Variants in TAFA1 observed in about 807,000 individuals in gnomAD.
TAFA1 encodes TAFA chemokine like family member 1.
TAFA1 carries 4 observed loss-of-function variants against 18.5 expected under a neutral mutation model. The observed-to-expected ratio is 0.22, with a 90% CI of 0.11 to 0.49. TAFA1 has a LOEUF of 0.49. Ranked by LOEUF, TAFA1 falls within the 20% of genes least tolerant of loss-of-function variation. TAFA1 has a pLI of 0.98. For missense variants in TAFA1, 147 were observed against 169.0 expected, an observed-to-expected ratio of 0.87 and a Z score of 0.72; for synonymous variants, 56 against 55.2, an observed-to-expected ratio of 1.01 and a Z score of -0.06.
At chr3:68,017,776 T>G (rs1213705570) in intron 2 of TAFA1, among the ~76,000 whole-genome samples, 1 of 152,234 alleles carries the variant, frequency 6.6e-6, no homozygotes, top group Non-Finnish European at 1.5e-5. Context: ...TCCAGAAAGT[T>G]TTGAGTCCTC....
At position 68,120,243 on chromosome 3, in the gene TAFA1, TTCTTTCTTTCTTTC is replaced by T. The variant is rs1489460361; in HGVS notation, c.118+113501_118+113514del. On this transcript the variant is annotated intron_variant, in intron 2 of 4. Transcript: ENST00000478136. ...TTTCTTTCTTTCTTTCTTTCTTTCT[TTCTTTCTTTCTTTC>T]TTTCTTTTTTGAGACAGAGTCTCAT... 4.1e-3 allele frequency among the ~76,000 whole-genome samples: 539 copies of T among 132,556 alleles called. 7 individuals carry two copies. The highest frequency in any genetic ancestry group is 0.015 in the African/African-American group (523 of 34,000). The allele number at this position is 132,556 out of a possible 152,430, so 87.0% of individuals were successfully genotyped here. A position where few individuals can be genotyped will look rare whatever the true frequency, so the allele number is the denominator to read the frequency against.
chr3:68,249,629 G>T (rs1031250832), intron 2 of TAFA1, among the ~76,000 whole-genome samples: 2 of 152,110 alleles, frequency 1.3e-5, no homozygotes, highest in Non-Finnish European at 2.9e-5. Context: ...ACCAAATCTG[G>T]ATTTGAAAGG....
chr3:68,392,175 G>GAAA (rs2070270435), intron 2 of TAFA1, among the ~76,000 whole-genome samples: 1 of 22,362 alleles, frequency 4.5e-5, no homozygotes. Flanking sequence ...ATTTAGGAAA[G>GAAA]CAAAAAAAAA....
intron 2 of TAFA1, among the ~76,000 whole-genome samples, chr3:68,399,879 A>G (rs938640125): frequency 6.6e-6 from 1 of 152,186 alleles, no homozygotes; most frequent in Admixed American, 6.6e-5. Flanking sequence ...TCTAGTGCTC[A>G]AAGGTGTCAC....
intron 2 of TAFA1, among the ~76,000 whole-genome samples, chr3:68,089,260 A>G (rs1051295666): frequency 5.3e-5 from 8 of 152,306 alleles, no homozygotes; most frequent in Non-Finnish European, 5.9e-5. Context: ...GCCTGAATTT[A>G]CTTATTTGTA....
At chr3:68,053,130 G>T (rs2064492679) in intron 2 of TAFA1, among the ~76,000 whole-genome samples, 1 of 152,038 alleles carries the variant, frequency 6.6e-6, no homozygotes, top group Non-Finnish European at 1.5e-5. Flanking sequence ...AGTCATTTCT[G>T]GTCCATTTCA....
intron 2 of TAFA1, among the ~76,000 whole-genome samples, chr3:68,027,897 T>C (rs576089212): frequency 2.8e-4 from 42 of 152,338 alleles, no homozygotes; most frequent in Middle Eastern, 6.8e-3. Context: ...AATGATGATA[T>C]CATACTAACG....
chr3:68,512,469 A>G (rs1330234688), intron 3 of TAFA1, among the ~76,000 whole-genome samples: 2 of 152,158 alleles, frequency 1.3e-5, no homozygotes, highest in East Asian at 1.9e-4. Context: ...ACCATCTTGC[A>G]TATGTACTGA....
At chr3:68,477,378 A>C (rs1317210827) in intron 3 of TAFA1, among the ~76,000 whole-genome samples, 2 of 152,074 alleles carry the variant, frequency 1.3e-5, no homozygotes, top group Non-Finnish European at 1.5e-5. Context: ...GCTTTTAAAA[A>C]AAAATTCTTT....
At chr3:68,294,653 G>C (rs1405098835) in intron 2 of TAFA1, among the ~76,000 whole-genome samples, 1 of 152,158 alleles carries the variant, frequency 6.6e-6, no homozygotes, top group Non-Finnish European at 1.5e-5. Context: ...GGGAGGCTGA[G>C]ATGGGCAAAT....
At chr3:68,306,476 C>A (rs1429276580) in intron 2 of TAFA1, among the ~76,000 whole-genome samples, 1 of 151,860 alleles carries the variant, frequency 6.6e-6, no homozygotes, top group Non-Finnish European at 1.5e-5. Flanking sequence ...CAGAAATATT[C>A]TTTTTAAACT....
At chr3:68,176,201 G>A (rs144274111) in intron 2 of TAFA1, among the ~76,000 whole-genome samples, 2 of 152,286 alleles carry the variant, frequency 1.3e-5, no homozygotes, top group African/African-American at 4.8e-5. Flanking sequence ...CAGTTTACAG[G>A]CAGGATGCCA....
intron 2 of TAFA1, among the ~76,000 whole-genome samples, chr3:68,144,035 C>A (rs1188117769): frequency 6.7e-6 from 1 of 150,314 alleles, no homozygotes; most frequent in East Asian, 2.0e-4. Flanking sequence ...GAAAACTTGG[C>A]AGAAACATTC....
At chr3:67,992,055 G>A in the TAFA1 span, among the ~76,000 whole-genome samples, 1 of 152,148 alleles carries the variant, frequency 6.6e-6, no homozygotes, top group Non-Finnish European at 1.5e-5. Context: ...GATTTGTTTT[G>A]ACTAATGAAA....
intron 3 of TAFA1, among the ~76,000 whole-genome samples, chr3:68,495,392 G>T (rs1285667522): frequency 1.3e-5 from 2 of 152,070 alleles, no homozygotes; most frequent in African/African-American, 4.8e-5. Flanking sequence ...AAAACAATTG[G>T]AAGTATTATA....
intron 2 of TAFA1, among the ~76,000 whole-genome samples, chr3:68,026,132 C>T (rs1470320681): frequency 6.6e-6 from 1 of 152,066 alleles, no homozygotes; most frequent in East Asian, 1.9e-4. Context: ...CATAATTCCT[C>T]CACAGCCTTC....
chr3:68,408,927 G>A (rs1408329773), intron 2 of TAFA1, among the ~76,000 whole-genome samples: 3 of 152,196 alleles, frequency 2.0e-5, no homozygotes, highest in African/African-American at 7.2e-5. Flanking sequence ...TTCAAGCTTA[G>A]TACTGGAATA....
At position 68,339,620 on chromosome 3, in the gene TAFA1, C is replaced by T. The variant is rs147667918; in HGVS notation, c.119-77660C>T. Among the ~76,000 whole-genome samples, 18 of 152,310 alleles carry T rather than the reference C, an allele frequency of 1.2e-4. No homozygotes were observed. The East Asian group carries it at 2.9e-3, about 24-fold the overall frequency. On this transcript the variant is annotated intron_variant, in intron 2 of 4. Transcript: ENST00000478136. ...AATCCTTTTGTTCTAGATAGAACTA[C>T]ATTTTTGCAGTGTGTACAACTCTAC... is the stretch of plus-strand genomic sequence containing the variant.
chr3:68,188,254 T>C (rs1214029958), intron 2 of TAFA1, among the ~76,000 whole-genome samples: 1 of 151,870 alleles, frequency 6.6e-6, no homozygotes, highest in African/African-American at 2.4e-5. Flanking sequence ...CGTAACTTTT[T>C]TGGACATTGA....
Sources: gnomAD v4.1 joint callset for allele counts (sites outside exome capture counted in the v4.1 genomes callset) on GRCh38, gnomAD v4.1.1 for gene constraint, MANE v1.5 for transcripts, NCBI Gene and HGNC (gene_info 2026-07-23, HGNC 2026-07-21) for gene names.